Variants in VPS13C observed in about 807,000 individuals in gnomAD.
VPS13C encodes the protein intermembrane lipid transfer protein VPS13C.
Under a neutral mutation model 456.8 loss-of-function variants are expected in VPS13C, and 358 were observed. The observed-to-expected ratio is 0.78, with a 90% CI of 0.72 to 0.86. The LOEUF is 0.86. VPS13C is among the 40% of genes least tolerant of loss of function. The probability of loss-of-function intolerance (pLI) is 0.00; values close to 1 mark genes in which losing one functional copy is unlikely to be tolerated. For synonymous variants in VPS13C, 1,578 were observed against 1,486.7 expected (o/e 1.06, Z -1.41); for missense variants, 4,818 against 4,385.4 (o/e 1.10, Z -2.79).
intron 82 of VPS13C, among the ~76,000 whole-genome samples, chr15:61,860,347 C>A (rs1894151572): frequency 6.6e-6 from 1 of 152,030 alleles, no homozygotes; most frequent in Admixed American, 6.6e-5. Flanking sequence ...CAGCAAAACA[C>A]AGGAGAAAGA....
Position 61,884,262 on chromosome 15 carries a change from C to T in VPS13C, c.9349G>A (p.Val3117Ile), listed in dbSNP as rs1432223260. ...VSYIGITSSG[V>I]VWEVKPKQKW... Reference sequence around the variant, plus strand: ...TGCTTTGGTTTCACCTCCCAAACAACACCAGAACTAAATAATTCACACAAA... The same window carrying T: ...TGCTTTGGTTTCACCTCCCAAACAATACCAGAACTAAATAATTCACACAAA... The change falls in exon 68 of 85, where the codon GTT becomes ATT. Residue 3117 changes from valine (V) to isoleucine (I), a missense_variant. This residue lies in a region of VPS13C where 4,552 missense variants were observed against 4,130.6 expected (regional missense o/e 1.10). Coordinates refer to ENST00000644861, the MANE Select transcript of VPS13C (RefSeq NM_020821.3). The T allele has an allele frequency of 6.2e-7, 1 of 1,609,822 alleles. No homozygotes were observed. The highest frequency in any genetic ancestry group is 8.5e-7 in the Non-Finnish European group (1 of 1,178,730).
Position 61,963,927 on chromosome 15 carries a change from T to C in VPS13C, c.3239A>G (p.Asp1080Gly), listed in dbSNP as rs1216322136. ...GGCAAATAGCCTGAAATCAATAATGTCACTATCTCTGGAGGATACAATCGC... is the reference window on the plus strand; with the variant it reads ...GGCAAATAGCCTGAAATCAATAATGCCACTATCTCTGGAGGATACAATCGC... ...PKAIVSSRDS[D>G]IIDFRLFAKL... Residue 1080 changes from aspartate to glycine, a missense_variant, in exon 32 of 85, where the codon GAC becomes GGC. Coordinates refer to ENST00000644861, the MANE Select transcript of VPS13C (RefSeq NM_020821.3). The C allele has an allele frequency of 8.1e-6, 13 of 1,609,980 alleles. No individual in the cohort carries two copies. Among genetic ancestry groups the C allele is most frequent in the African/African-American group, 1.3e-5 (1 of 74,746 alleles).
chr15:62,011,629 A>T (rs1169006111), intron 12 of VPS13C, among the ~76,000 whole-genome samples: 1 of 151,988 alleles, frequency 6.6e-6, no homozygotes, highest in Non-Finnish European at 1.5e-5. Flanking sequence ...AAATAACAGG[A>T]AGCTTTGTTA....
chr15:62,032,056 T>C (rs974669824), intron 5 of VPS13C, among the ~76,000 whole-genome samples: 3 of 151,872 alleles, frequency 2.0e-5, no homozygotes, highest in African/African-American at 7.2e-5. Flanking sequence ...TATTATGTAA[T>C]TGTAAATGAT....
chr15:61,867,959 G>T lies in VPS13C; in HGVS notation c.10863+700C>A, dbSNP rs772494755. On this transcript the variant is annotated intron_variant, in intron 81 of 84. Coordinates refer to ENST00000644861, the MANE Select transcript of VPS13C (RefSeq NM_020821.3). This position sits in a 1 kb window ranked among gnomAD's most constrained non-coding sequence, Gnocchi z 5.0. ...ATTTCCAGTTCTTGCTGTGCAGGCA[G>T]AAAAACAAAGAAAATAAAGTTAGAA... The T allele has an allele frequency of 6.6e-7, 1 of 1,521,564 alleles. No homozygotes were observed. Among genetic ancestry groups the T allele is most frequent in the Admixed American group, 1.7e-5 (1 of 58,978 alleles). The allele number at this position is 1,521,564 out of a possible 1,614,324, so 94.3% of individuals were successfully genotyped here.
rs770738760 is a variant in VPS13C, at chr15:61,941,793, T to C, written c.5423A>G (p.Asn1808Ser). ...CAGCTTCAACTGAGTGAGTTCGATGTTCATTTTATCAATGACTGGAGGAAG... is the reference window on the plus strand; with the variant it reads ...CAGCTTCAACTGAGTGAGTTCGATGCTCATTTTATCAATGACTGGAGGAAG... ...YSLPPVIDKM[N>S]IELTQLKLSR... Residue 1808 changes from asparagine (N) to serine (S), a missense_variant, in exon 46 of 85, where the codon AAC (asparagine) becomes AGC (serine). Coordinates refer to ENST00000644861, the MANE Select transcript of VPS13C (RefSeq NM_020821.3). 2 of 1,613,070 alleles carry C rather than the reference T, an allele frequency of 1.2e-6. No individual in the cohort carries two copies. The highest frequency in any genetic ancestry group is 1.1e-5 in the South Asian group (1 of 90,982).
Position 62,034,951 on chromosome 15 carries a change from A to C in VPS13C, c.283+6T>G. The C allele has an allele frequency of 6.3e-7, 1 of 1,579,820 alleles. No homozygotes were observed. The highest frequency in any genetic ancestry group is 8.6e-7 in the Non-Finnish European group (1 of 1,160,226). On this transcript the variant is annotated splice_donor_region_variant and intron_variant, in intron 4 of 84. Transcript: ENST00000644861. ...TATTGAATGGTTATAACCTAAAATA[A>C]CATACTTGCTCCAGGGACAACAAGC... is the stretch of plus-strand genomic sequence containing the variant.
rs764284453 is a variant in VPS13C, at chr15:61,985,009, A to G, written c.1579-10T>C. 1 of 1,412,354 alleles carries G rather than the reference A, an allele frequency of 7.1e-7. No homozygotes were observed. The highest frequency in any genetic ancestry group is 1.8e-5 in the South Asian group (1 of 56,824). The allele number at this position is 1,412,354 out of a possible 1,614,324, so 87.5% of individuals were successfully genotyped here. On this transcript the variant is annotated splice_polypyrimidine_tract_variant and intron_variant, in intron 18 of 84. Coordinates refer to ENST00000644861, the MANE Select transcript of VPS13C (RefSeq NM_020821.3). ...TAATATGGGCAACATACTATACAGA[A>G]AGAATGAAATTAAAATTGTTAAAGT...
Position 61,866,995 on chromosome 15 carries a change from T to C in VPS13C, c.10863+1664A>G, listed in dbSNP as rs141970852. 199 of 960,564 alleles carry C rather than the reference T, an allele frequency of 2.1e-4. No individual in the cohort carries two copies. The African/African-American group carries it at 2.3e-3, about 11-fold the overall frequency. The allele number at this position is 960,564 out of a possible 1,614,324, so 59.5% of individuals were successfully genotyped here. A position where few individuals can be genotyped will look rare whatever the true frequency, so the allele number is the denominator to read the frequency against. Reference sequence around the variant, plus strand: ...CATCATTTATTACAAAAAAAAGAAATTGAAACATAACTTATGTTGAGAATT... The same window carrying C: ...CATCATTTATTACAAAAAAAAGAAACTGAAACATAACTTATGTTGAGAATT... On this transcript the variant is annotated intron_variant, in intron 81 of 84. Transcript: ENST00000644861.
chr15:62,000,414 G>A lies in VPS13C; in HGVS notation c.1353+150C>T. 4.6e-6 allele frequency: 3 copies of A among 655,028 alleles called. No individual in the cohort carries two copies. In the South Asian group the frequency reaches 6.5e-5, roughly 14 times the overall value. The allele number at this position is 655,028 out of a possible 1,614,324, so 40.6% of individuals were successfully genotyped here. A position where few individuals can be genotyped will look rare whatever the true frequency, so the allele number is the denominator to read the frequency against. On this transcript the variant is annotated intron_variant, in intron 16 of 84. Transcript: ENST00000644861. ...GGTTTTTTTTCCCCTTCATATTAGT[G>A]GCTTTTTTTCAGTACTCCAGTTTCT...
chr15:61,950,291 G>GA (rs1359313502), intron 41 of VPS13C, 67 bp downstream of exon 41: 18 of 1,180,050 alleles, frequency 1.5e-5, no homozygotes, highest in African/African-American at 4.5e-5. Flanking sequence ...TCTCACAGTT[G>GA]AAAATGGCTA....
Position 62,012,137 on chromosome 15 carries a change from T to C in VPS13C, c.853A>G (p.Ser285Gly). 1 of 1,547,758 alleles carries C rather than the reference T, an allele frequency of 6.5e-7. No homozygotes were observed. Among genetic ancestry groups the C allele is most frequent in the South Asian group, 1.1e-5 (1 of 88,844 alleles). The change falls in exon 12 of 85, where the codon AGT becomes GGT. Residue 285 changes from serine to glycine, a missense_variant. This residue lies in a region of VPS13C where 4,552 missense variants were observed against 4,130.6 expected (regional missense o/e 1.10). Coordinates refer to ENST00000644861, the MANE Select transcript of VPS13C (RefSeq NM_020821.3). ...TGATAATTTGGGGGTATATTTCCAC[T>C]TGTAAGAATTTCATTTTTCAGCTGA... ...LDQLKNEILT[S>G]GNIPPNYQYI...
rs758564341 is a variant in VPS13C at position 61,915,732 on chromosome 15, G to C, written c.8346C>G (p.Leu2782=). The C allele has an allele frequency of 1.2e-6, 2 of 1,614,062 alleles. No individual in the cohort carries two copies. ...YWLINKTTRV[L]QYRSEDIHVK... The stretch of plus-strand genomic sequence containing the variant: ...CATGAATATCTTCTGAACGATACTG[G>C]AGAACCCGGGTAGTCTTGTTGATTA... The change falls in exon 61 of 85, where the codon CTC becomes CTG. Residue 2782 remains leucine, a synonymous_variant. Transcript: ENST00000644861.
At chr15:62,034,607 G>A (rs1025175371) in intron 4 of VPS13C, among the ~76,000 whole-genome samples, 1 of 151,608 alleles carries the variant, frequency 6.6e-6, no homozygotes, top group Non-Finnish European at 1.5e-5. Flanking sequence ...GAAATCTGGA[G>A]ATTAACACAT....
chr15:61,935,327 T>C (rs1054263275), intron 48 of VPS13C: 1 of 152,212 alleles, frequency 6.6e-6, no homozygotes, highest in Non-Finnish European at 1.5e-5. Context: ...TGTCATACTA[T>C]AGAACAGTCT....
Position 61,954,572 on chromosome 15 carries a change from A to C in VPS13C, c.4166-18T>G, listed in dbSNP as rs1433491191. On this transcript the variant is annotated intron_variant, in intron 37 of 84. Coordinates refer to ENST00000644861, the MANE Select transcript of VPS13C (RefSeq NM_020821.3). ...AATTTCACCTGAAATGTTTAAAAGAAATTCATTACTTTTATTCACAAATTT... is the reference window on the plus strand; with the variant it reads ...AATTTCACCTGAAATGTTTAAAAGACATTCATTACTTTTATTCACAAATTT... 1 of 1,567,632 alleles carries C rather than the reference A, an allele frequency of 6.4e-7. No homozygotes were observed. The highest frequency in any genetic ancestry group is 2.1e-5 in the Admixed American group (1 of 48,286).
chr15:62,019,125 G>A (rs183920946), intron 9 of VPS13C, among the ~76,000 whole-genome samples: 15 of 152,086 alleles, frequency 9.9e-5, no homozygotes, highest in East Asian at 9.6e-4. Context: ...CTGTGGGATC[G>A]GTGGTGATAT....
intron 82 of VPS13C, among the ~76,000 whole-genome samples, chr15:61,861,928 CG>C (rs970478558): frequency 1.3e-5 from 2 of 151,958 alleles, no homozygotes; most frequent in African/African-American, 4.8e-5. Context: ...AACAAAACCC[CG>C]TCTCTAATAA....
chr15:61,914,654 G>C (rs1038115806), intron 61 of VPS13C, among the ~76,000 whole-genome samples: 1 of 150,836 alleles, frequency 6.6e-6, no homozygotes, highest in Admixed American at 6.6e-5. Flanking sequence ...TCTGCCTCCC[G>C]GGTTCAAGTG....
Sources: allele counts gnomAD v4.1 joint callset (sites outside exome capture counted in the v4.1 genomes callset), GRCh38; gene constraint gnomAD v4.1.1; regional missense constraint gnomAD v4.1.1; non-coding constraint Gnocchi (gnomAD v3.1); transcripts MANE v1.5; gene names NCBI Gene and HGNC (gene_info 2026-07-23, HGNC 2026-07-21).